The following DPP6 variants were observed in gnomAD, a reference collection of about 807,000 sequenced individuals.
The protein encoded by DPP6 is dipeptidyl peptidase like 6, also known as A-type potassium channel modulatory protein DPP6.
Under a neutral mutation model 122.6 loss-of-function variants are expected in DPP6, and 69 were observed. The ratio of observed to expected loss-of-function variants is 0.56; its 90% CI spans 0.46 to 0.69. DPP6 has a LOEUF of 0.69. Among genes scored for constraint, DPP6 ranks in the 30% least tolerant of loss-of-function variants. DPP6 has a pLI of 0.00. For synonymous variants in DPP6, 418 were observed against 433.1 expected (o/e 0.97, Z 0.43); for missense variants, 928 against 1,116.9 (o/e 0.83, Z 2.41).
intron 1 of DPP6, among the ~76,000 whole-genome samples, chr7:153,959,881 G>A (rs2531111): frequency 2.9e-4 from 44 of 152,284 alleles, no homozygotes; most frequent in African/African-American, 1.1e-3. Flanking sequence ...GCTTTCAGCC[G>A]ATCTCAGCTT....
chr7:154,448,874 G>C (rs1820115068), intron 2 of DPP6, among the ~76,000 whole-genome samples: 3 of 152,130 alleles, frequency 2.0e-5, no homozygotes, highest in Non-Finnish European at 4.4e-5. Flanking sequence ...ACCTGCAAAA[G>C]AGTGCAGTTG....
intron 1 of DPP6, among the ~76,000 whole-genome samples, chr7:154,134,654 A>G (rs1178944937): frequency 6.6e-6 from 1 of 151,918 alleles, no homozygotes; most frequent in Non-Finnish European, 1.5e-5. Flanking sequence ...CTGAGCCCAC[A>G]CTTCCTGTGA....
At chr7:154,656,211 T>C (rs1373036808) in intron 6 of DPP6, among the ~76,000 whole-genome samples, 1 of 46,680 alleles carries the variant, frequency 2.1e-5, no homozygotes, top group Non-Finnish European at 4.3e-5. Context: ...GAGAGGGAGG[T>C]GGGGGGAGAG....
chr7:154,357,200 A>G (rs140178244), intron 1 of DPP6, among the ~76,000 whole-genome samples: 1 of 151,954 alleles, frequency 6.6e-6, no homozygotes, highest in East Asian at 1.9e-4. Context: ...CATACACAGT[A>G]GTTTTCTTTG....
At position 154,632,525 on chromosome 7, in the gene DPP6, G is replaced by A. The variant is rs143740502; in HGVS notation, c.628-5296G>A. Among the ~76,000 whole-genome samples, 256 of 152,190 alleles carry A rather than the reference G, an allele frequency of 1.7e-3. 3 individuals are homozygous for A. The highest frequency in any genetic ancestry group is 6.0e-3 in the African/African-American group (248 of 41,524). The stretch of plus-strand genomic sequence containing the variant: ...ATGATGGAGCTACCAACTGAGATAG[G>A]GATTATCAAAAGGGAGCAAGGTTTG... On this transcript the variant is annotated intron_variant, in intron 5 of 25. Coordinates refer to ENST00000377770, the MANE Select transcript of DPP6 (RefSeq NM_130797.4).
intron 17 of DPP6, among the ~76,000 whole-genome samples, chr7:154,866,793 C>T (rs979192329): frequency 1.3e-5 from 2 of 152,150 alleles, no homozygotes; most frequent in Non-Finnish European, 2.9e-5. Flanking sequence ...TTTATGTACT[C>T]GTCACAAGCG....
chr7:154,710,197 G>C (rs961451273), intron 7 of DPP6, among the ~76,000 whole-genome samples: 1 of 152,220 alleles, frequency 6.6e-6, no homozygotes, highest in African/African-American at 2.4e-5. Flanking sequence ...TGCCTCTCAG[G>C]AGCCAGGGGC....
intron 7 of DPP6, among the ~76,000 whole-genome samples, chr7:154,699,369 C>G (rs1840390375): frequency 6.6e-6 from 1 of 152,180 alleles, no homozygotes; most frequent in South Asian, 2.1e-4. Flanking sequence ...GCTGACAAGT[C>G]TCGGATCTAA....
chr7:154,154,195 T>G (rs537735391), intron 1 of DPP6, among the ~76,000 whole-genome samples: 77 of 152,366 alleles, frequency 5.1e-4, no homozygotes, highest in Admixed American at 4.4e-3. Context: ...AGGGGAACTA[T>G]TCCTTATATT....
intron 2 of DPP6, among the ~76,000 whole-genome samples, chr7:154,449,978 C>T (rs1820216766): frequency 6.6e-6 from 1 of 151,566 alleles, no homozygotes; most frequent in Non-Finnish European, 1.5e-5. Flanking sequence ...CATTGCATTC[C>T]AGCCTGGGTG....
chr7:154,145,358 C>T (rs181684966), intron 1 of DPP6, among the ~76,000 whole-genome samples: 2,345 of 152,214 alleles, frequency 0.015, 29 homozygotes, highest in Middle Eastern at 0.037. Context: ...AAGAAAGACC[C>T]GAGTCCTACC....
At chr7:154,004,064 C>G (rs1305578015) in intron 1 of DPP6, among the ~76,000 whole-genome samples, 3 of 152,172 alleles carry the variant, frequency 2.0e-5, no homozygotes, top group Non-Finnish European at 4.4e-5. Flanking sequence ...AGTGATCTCT[C>G]TGGACCCTGG....
At chr7:154,658,758 A>G (rs1837432661) in intron 6 of DPP6, among the ~76,000 whole-genome samples, 1 of 152,212 alleles carries the variant, frequency 6.6e-6, no homozygotes, top group Non-Finnish European at 1.5e-5. Context: ...TAAGGAGAGC[A>G]GGAAAGATTG....
chr7:154,231,441 A>C (rs535540871), intron 1 of DPP6, among the ~76,000 whole-genome samples: 4 of 152,318 alleles, frequency 2.6e-5, no homozygotes, highest in Admixed American at 2.6e-4. Context: ...TCAGTGCATC[A>C]GGCAGTATGA....
At chr7:154,001,055 G>T (rs530935473) in intron 1 of DPP6, among the ~76,000 whole-genome samples, 1 of 152,220 alleles carries the variant, frequency 6.6e-6, no homozygotes, top group Admixed American at 6.5e-5. Context: ...TGAGGATGCT[G>T]ACCAGCTCCT....
intron 7 of DPP6, among the ~76,000 whole-genome samples, chr7:154,680,385 A>C (rs1300031940): frequency 1.3e-5 from 2 of 152,220 alleles, no homozygotes; most frequent in African/African-American, 4.8e-5. Flanking sequence ...CCATAACAGG[A>C]ATTTCTAAAA....
chr7:154,343,645 ATC>A (rs1159976925), intron 1 of DPP6, among the ~76,000 whole-genome samples: 1 of 152,142 alleles, frequency 6.6e-6, no homozygotes, highest in Admixed American at 6.5e-5. Context: ...CAATGGTGCG[ATC>A]TCGGCTCACT....
At chr7:153,932,897 G>C (rs758760386) in intron 1 of DPP6, among the ~76,000 whole-genome samples, 1 of 152,150 alleles carries the variant, frequency 6.6e-6, no homozygotes, top group African/African-American at 2.4e-5. Context: ...TGGGCGGGAC[G>C]TGGCGGGAGG....
At chr7:154,022,267 CTCTT>C (rs1342181303) in intron 1 of DPP6, among the ~76,000 whole-genome samples, 1 of 152,134 alleles carries the variant, frequency 6.6e-6, no homozygotes, top group Non-Finnish European at 1.5e-5. Flanking sequence ...CCAGAGAATT[CTCTT>C]TCTTTGGAAA....
Sources: allele counts gnomAD v4.1 joint callset (sites outside exome capture counted in the v4.1 genomes callset), GRCh38; gene constraint gnomAD v4.1.1; transcripts MANE v1.5; gene names NCBI Gene and HGNC (gene_info 2026-07-23, HGNC 2026-07-21).